The following LAMC3 variants were observed in gnomAD, a reference collection of about 807,000 sequenced individuals.
LAMC3 encodes laminin subunit gamma-3.
In LAMC3, 128 loss-of-function variants were observed where a neutral mutation model predicts 173.8. That is an observed-to-expected ratio of 0.74 (90% CI 0.64 to 0.85). LAMC3 has a LOEUF of 0.85. LAMC3 is among the 40% of genes least tolerant of loss of function. The pLI is 0.00. For missense variants in LAMC3, 2,022 were observed against 2,156.0 expected (o/e 0.94, Z 1.23); for synonymous variants, 897 against 909.1 (o/e 0.99, Z 0.24).
Position 131,032,081 on chromosome 9 carries a change from G to T in LAMC3, c.715G>T (p.Asp239Tyr). 1 of 1,614,114 alleles carries T rather than the reference G, an allele frequency of 6.2e-7. No individual in the cohort carries two copies. Among genetic ancestry groups the T allele is most frequent in the Non-Finnish European group, 8.5e-7 (1 of 1,180,030 alleles). Residue 239 changes from aspartate to tyrosine, a missense_variant, in exon 3 of 28, where the codon GAC (aspartate) becomes TAC (tyrosine). Asp to Tyr is a radical substitution (Grantham distance 160). Coordinates refer to ENST00000361069, the MANE Select transcript of LAMC3 (RefSeq NM_006059.4). ...VTSTELLISL[D>Y]RLNTFGDDIF... Reference sequence around the variant, plus strand: ...CAGCACCGAACTCCTCATCTCTCTAGACCGGCTCAACACGTTTGGGGACGA... The same window carrying T: ...CAGCACCGAACTCCTCATCTCTCTATACCGGCTCAACACGTTTGGGGACGA...
At chr9:131,010,006 T>C (rs1210506258) in intron 1 of LAMC3, among the ~76,000 whole-genome samples, 1 of 151,384 alleles carries the variant, frequency 6.6e-6, no homozygotes, top group African/African-American at 2.4e-5. Flanking sequence ...ATAGAAAATT[T>C]GGCCGGGCGT....
chr9:131,009,324 C>T lies in LAMC3; in HGVS notation c.110C>T (p.Pro37Leu), dbSNP rs1833360323. 5 of 1,479,684 alleles carry T rather than the reference C, an allele frequency of 3.4e-6. No homozygotes were observed. Among genetic ancestry groups the T allele is most frequent in the Admixed American group, 2.3e-5 (1 of 42,644 alleles). 91.7% of individuals were successfully genotyped at this position (1,479,684 alleles called of 1,614,324 possible). ...DGAGRPQRCL[P>L]VFENAAFGRL... ...GCAGGGCGCCCGCAGCGCTGCCTGC[C>T]GGTGTTCGAGAACGCGGCGTTTGGG... Residue 37 changes from proline (P) to leucine (L), a missense_variant, in exon 1 of 28, where the codon CCG becomes CTG. Coordinates refer to ENST00000361069, the MANE Select transcript of LAMC3 (RefSeq NM_006059.4). This position sits in a 1 kb window ranked among gnomAD's most constrained non-coding sequence, Gnocchi z 4.3.
In LAMC3 at chr9:131,045,020, C is replaced by T. The variant is rs962057834; in HGVS notation, c.1383-504C>T. Among the ~76,000 whole-genome samples the T allele has an allele frequency of 8.6e-4, 130 of 151,906 alleles. 2 individuals carry two copies. The highest frequency in any genetic ancestry group is 3.1e-4 in the Non-Finnish European group (21 of 67,972). On this transcript the variant is annotated intron_variant, in intron 7 of 27. Coordinates refer to ENST00000361069, the MANE Select transcript of LAMC3 (RefSeq NM_006059.4). ...GGCGGATCCCCTGAGGTCAGGAGTT[C>T]GAGGTCAACCTGCCAACATGGTGAA... is the stretch of plus-strand genomic sequence containing the variant.
intron 3 of LAMC3, among the ~76,000 whole-genome samples, chr9:131,033,022 G>GTGGTCC (rs368711738): frequency 3.3e-4 from 50 of 152,294 alleles, no homozygotes; most frequent in Admixed American, 5.2e-4. Context: ...TCTCTGGCCC[G>GTGGTCC]TGGTCCTGGT....
At chr9:131,032,768 A>G (rs565727173) in intron 3 of LAMC3, among the ~76,000 whole-genome samples, 3 of 152,278 alleles carry the variant, frequency 2.0e-5, no homozygotes, top group Admixed American at 1.3e-4. Flanking sequence ...TCCCAGGTTC[A>G]AGGTATTCAC....
intron 6 of LAMC3, among the ~76,000 whole-genome samples, chr9:131,040,096 C>CCT (rs1338145565): frequency 6.8e-6 from 1 of 146,730 alleles, no homozygotes; most frequent in African/African-American, 2.5e-5. Context: ...CTCACTGCAA[C>CCT]CTCCACCTCC....
In LAMC3 at chr9:131,054,529, G is replaced by A. The variant is rs557314706; in HGVS notation, c.1939+1564G>A. 3.3e-4 allele frequency among the ~76,000 whole-genome samples: 50 copies of A among 152,234 alleles called. No homozygotes were observed. The East Asian group carries it at 6.4e-3, about 19-fold the overall frequency. ...AGCTCTTTGGGAGGCTGAGGCGGGC[G>A]GATCACTTGAGCTCAGGAGTTTGAG... is the stretch of plus-strand genomic sequence containing the variant. On this transcript the variant is annotated intron_variant, in intron 11 of 27. Transcript: ENST00000361069.
chr9:131,059,518 AAG>A (rs1554788245), intron 12 of LAMC3, among the ~76,000 whole-genome samples: 6 of 125,672 alleles, frequency 4.8e-5, no homozygotes, highest in Non-Finnish European at 1.0e-4. Context: ...AAAAAAAAAA[AAG>A]ACGTCAGCTG....
chr9:131,065,036 A>AT (rs1404782195), intron 13 of LAMC3, among the ~76,000 whole-genome samples: 2 of 93,240 alleles, frequency 2.1e-5, no homozygotes, highest in Non-Finnish European at 4.7e-5. Flanking sequence ...ACAAGACTCC[A>AT]TCTAAAAAAA....
At chr9:131,058,983 A>T (rs1175054501) in intron 12 of LAMC3, among the ~76,000 whole-genome samples, 1 of 147,044 alleles carries the variant, frequency 6.8e-6, no homozygotes, top group Non-Finnish European at 1.5e-5. Flanking sequence ...GGATCACCTG[A>T]GGTTGGGGGT....
chr9:131,075,858 A>G lies in LAMC3; in HGVS notation c.3522A>G (p.Ala1174=). 6.2e-7 allele frequency: 1 copy of G among 1,612,456 alleles called. No homozygotes were observed. Among genetic ancestry groups the G allele is most frequent in the Non-Finnish European group, 8.5e-7 (1 of 1,179,330 alleles). ...RSHRDTATKI[A]ATAWRALLAS... ...ACAGAGACACCGCCACCAAGATCGCAGCCACTGCTTGGAGGGCCCTGCTCG... is the reference window on the plus strand; with the variant it reads ...ACAGAGACACCGCCACCAAGATCGCGGCCACTGCTTGGAGGGCCCTGCTCG... Residue 1174 remains alanine, a synonymous_variant, in exon 21 of 28, where the codon GCA becomes GCG. Coordinates refer to ENST00000361069, the MANE Select transcript of LAMC3 (RefSeq NM_006059.4).
At position 131,066,994 on chromosome 9, in the gene LAMC3, T is replaced by TG; in HGVS notation, c.2386dup (p.Asp796GlyfsTer18). 6.2e-7 allele frequency: 1 copy of TG among 1,613,980 alleles called. No individual in the cohort carries two copies. The highest frequency in any genetic ancestry group is 2.2e-5 in the East Asian group (1 of 44,878). On this transcript the variant is annotated frameshift_variant, in exon 14 of 28. Coordinates refer to ENST00000361069, the MANE Select transcript of LAMC3 (RefSeq NM_006059.4). LOFTEE classifies it high-confidence loss of function. ...GTGAGGTCTGTGATGATGGCTTTTT[T>TG]GGGGACCCGCTGGGGCTCTTTGGGC...
chr9:131,048,420 A>C (rs1834217365), intron 8 of LAMC3, among the ~76,000 whole-genome samples: 1 of 151,164 alleles, frequency 6.6e-6, no homozygotes, highest in Non-Finnish European at 1.5e-5. Context: ...CCTTTCTCTG[A>C]CCTCTTTCCC....
chr9:131,068,497 T>C (rs1829981433), intron 15 of LAMC3, among the ~76,000 whole-genome samples: 1 of 152,136 alleles, frequency 6.6e-6, no homozygotes. Context: ...CCCTTCTCAG[T>C]GACACTCTCC....
chr9:131,025,394 G>A (rs1270638927), intron 1 of LAMC3, among the ~76,000 whole-genome samples: 1 of 152,206 alleles, frequency 6.6e-6, no homozygotes, highest in East Asian at 1.9e-4. Flanking sequence ...GTCTGCTGTT[G>A]AGGATGCTTC....
chr9:131,068,380 G>T, intron 15 of LAMC3, 149 bp downstream of exon 15: 1 of 808,434 alleles, frequency 1.2e-6, no homozygotes, highest in Non-Finnish European at 1.9e-6. Flanking sequence ...GGGAGCAAAG[G>T]GATGGACTCT....
Position 131,009,379 on chromosome 9 carries a change from C to T in LAMC3, c.165C>T (p.Gly55=). Reference sequence around the variant, plus strand: ...TCGCCCAGGCCTCGCACACGTGCGGCAGCCCGCCCGAGGACTTCTGTCCCC... The same window carrying T: ...TCGCCCAGGCCTCGCACACGTGCGGTAGCCCGCCCGAGGACTTCTGTCCCC... ...GRLAQASHTC[G]SPPEDFCPHV... is the part of the protein sequence containing the mutation. The change falls in exon 1 of 28, where the codon GGC becomes GGT. Residue 55 remains glycine (G), a synonymous_variant. Coordinates refer to ENST00000361069, the MANE Select transcript of LAMC3 (RefSeq NM_006059.4). This position sits in a 1 kb window ranked among gnomAD's most constrained non-coding sequence, Gnocchi z 4.3. The T allele has an allele frequency of 6.5e-7, 1 of 1,527,076 alleles. No individual in the cohort carries two copies. The highest frequency in any genetic ancestry group is 2.6e-5 in the East Asian group (1 of 39,024). 94.6% of individuals were successfully genotyped at this position (1,527,076 alleles called of 1,614,324 possible).
rs1833720858 is a variant in LAMC3, at chr9:131,026,530, T to C, written c.619T>C (p.Phe207Leu). Residue 207 changes from phenylalanine (F) to leucine (L), a missense_variant, in exon 2 of 28, where the codon TTC becomes CTC. Transcript: ENST00000361069. This position sits in a 1 kb window ranked among gnomAD's most constrained non-coding sequence, Gnocchi z 4.8. ...CCCGCTGAGTGGCGGCAACGTGGCC[T>C]TCTCCACCCTGGAGGGCCGGCCCAG... ...ISPLSGGNVA[F>L]STLEGRPSAY... The C allele has an allele frequency of 6.2e-7, 1 of 1,611,520 alleles. No homozygotes were observed. The highest frequency in any genetic ancestry group is 1.7e-5 in the Admixed American group (1 of 59,782).
intron 7 of LAMC3, among the ~76,000 whole-genome samples, chr9:131,043,513 A>G (rs1834094019): frequency 6.6e-6 from 1 of 152,260 alleles, no homozygotes; most frequent in South Asian, 2.1e-4. Flanking sequence ...TCAAAAGGAC[A>G]CAGGAGCCGA....
Sources: gnomAD v4.1 joint callset for allele counts (sites outside exome capture counted in the v4.1 genomes callset) on GRCh38, gnomAD v4.1.1 for gene constraint, Gnocchi (gnomAD v3.1) non-coding constraint, MANE v1.5 for transcripts, NCBI Gene and HGNC (gene_info 2026-07-23, HGNC 2026-07-21) for gene names.